CCDC73: variants seen among roughly 807,000 people sequenced by gnomAD.
The protein encoded by CCDC73 is coiled-coil domain containing 73.
A neutral mutation model predicts 116.5 loss-of-function variants in CCDC73; 95 were observed. The observed-to-expected ratio is 0.82, with a 90% CI of 0.69 to 0.97. The LOEUF is 0.97. Among genes scored for constraint, CCDC73 ranks in the 50% least tolerant of loss-of-function variants. The pLI, the probability that CCDC73 is intolerant of heterozygous loss-of-function variation, is 0.00. For synonymous variants in CCDC73, 398 were observed against 401.3 expected (o/e 0.99, Z 0.10); for missense variants, 1,066 against 1,206.8 (o/e 0.88, Z 1.73).
intron 16 of CCDC73, among the ~76,000 whole-genome samples, chr11:32,613,136 A>G (rs1855437407): frequency 6.6e-6 from 1 of 152,242 alleles, no homozygotes; most frequent in Non-Finnish European, 1.5e-5. Flanking sequence ...AATTGGGCAA[A>G]GAAAGACAAC....
chr11:32,614,256 C>T lies in CCDC73; in HGVS notation c.2062G>A (p.Val688Ile). ...GATTTCTCTAAAGTATCATTACAGA[C>T]TTGCAGAAAATCTGAAGTTTGTTTA... ...LSKQTSDFLQ[V>I]CNDTLEKSEL... is the part of the protein sequence containing the mutation. The change falls in exon 16 of 18, where the codon GTC becomes ATC. Residue 688 changes from valine (V) to isoleucine (I), a missense_variant. Physicochemically the swap from Val to Ile is conservative, Grantham distance 29. Coordinates refer to ENST00000335185, the MANE Select transcript of CCDC73 (RefSeq NM_001008391.4). 6.2e-7 allele frequency: 1 copy of T among 1,613,750 alleles called. No individual in the cohort carries two copies. The highest frequency in any genetic ancestry group is 8.5e-7 in the Non-Finnish European group (1 of 1,179,772).
At chr11:32,800,540 T>A in the CCDC73 span, among the ~76,000 whole-genome samples, 1 of 152,216 alleles carries the variant, frequency 6.6e-6, no homozygotes, top group African/African-American at 2.4e-5. Context: ...CAAAATTTAA[T>A]GAAAAGCAAT....
chr11:32,639,162 C>CG (rs1030679265), intron 13 of CCDC73, among the ~76,000 whole-genome samples: 3 of 151,500 alleles, frequency 2.0e-5, no homozygotes, highest in African/African-American at 4.9e-5. Context: ...GACACCCCCC[C>CG]CAAAAAATCC....
chr11:32,715,520 A>ACACC (rs1554966475), intron 3 of CCDC73, among the ~76,000 whole-genome samples: 3 of 149,844 alleles, frequency 2.0e-5, no homozygotes, highest in East Asian at 4.0e-4. Context: ...ACACACACAC[A>ACACC]CCACCAGAAA....
intron 1 of CCDC73, among the ~76,000 whole-genome samples, chr11:32,767,327 G>T (rs1850451820): frequency 6.6e-6 from 1 of 152,066 alleles, no homozygotes; most frequent in Admixed American, 6.6e-5. Context: ...AATTCAAGAT[G>T]GATTAAAGAC....
chr11:32,737,919 TC>T (rs35039986), intron 2 of CCDC73, among the ~76,000 whole-genome samples: 1 of 152,070 alleles, frequency 6.6e-6, no homozygotes, highest in Non-Finnish European at 1.5e-5. Context: ...AATTTTTACC[TC>T]CCACGAATAA....
At chr11:32,641,020 C>CA (rs1015386523) in intron 13 of CCDC73, among the ~76,000 whole-genome samples, 15 of 65,396 alleles carry the variant, frequency 2.3e-4, no homozygotes, top group Non-Finnish European at 3.0e-4. Context: ...TGTCCCCCAC[C>CA]AAAAAAAAAG....
chr11:32,670,308 G>A (rs1590582986), intron 9 of CCDC73, among the ~76,000 whole-genome samples: 1 of 152,130 alleles, frequency 6.6e-6, no homozygotes, highest in South Asian at 2.1e-4. Context: ...GGATTACAAG[G>A]TCAGGAGATC....
chr11:32,755,805 A>G lies in CCDC73; in HGVS notation c.135+4304T>C, dbSNP rs182784258. ...TATATATATCTCCATATATGTGTAT[A>G]TATATATCTCCATATATATGTGTGT... On this transcript the variant is annotated intron_variant, in intron 2 of 17. Transcript: ENST00000335185. 1.1e-3 allele frequency among the ~76,000 whole-genome samples: 146 copies of G among 131,510 alleles called. 3 individuals carry two copies. The highest frequency in any genetic ancestry group is 1.2e-3 in the Non-Finnish European group (74 of 64,138). 86.3% of individuals were successfully genotyped at this position (131,510 alleles called of 152,430 possible).
intron 6 of CCDC73, among the ~76,000 whole-genome samples, chr11:32,684,378 T>A (rs944425742): frequency 5.9e-5 from 9 of 152,154 alleles, no homozygotes; most frequent in Non-Finnish European, 1.0e-4. Context: ...AAACATACAT[T>A]TATACTTTAA....
At chr11:32,764,681 G>A (rs971476202) in intron 1 of CCDC73, among the ~76,000 whole-genome samples, 36 of 152,128 alleles carry the variant, frequency 2.4e-4, no homozygotes, top group African/African-American at 7.0e-4. Context: ...AAAGACCATC[G>A]ATGCTAGGAA....
chr11:32,616,652 T>C (rs960048483), intron 14 of CCDC73, among the ~76,000 whole-genome samples: 3 of 152,194 alleles, frequency 2.0e-5, no homozygotes, highest in African/African-American at 7.2e-5. Context: ...GGTGAAGCAG[T>C]ATTTTTATGT....
intron 2 of CCDC73, among the ~76,000 whole-genome samples, chr11:32,756,646 T>G (rs1264901880): frequency 6.6e-6 from 1 of 151,716 alleles, no homozygotes; most frequent in Non-Finnish European, 1.5e-5. Flanking sequence ...GAAGAATATC[T>G]GTAGTTGGTC....
the CCDC73 span, among the ~76,000 whole-genome samples, chr11:32,816,355 T>A: frequency 6.6e-6 from 1 of 152,212 alleles, no homozygotes; most frequent in African/African-American, 2.4e-5. Context: ...TAACAAGTTG[T>A]ACCAAAATGT....
At chr11:32,758,017 C>A (rs148957069) in intron 2 of CCDC73, among the ~76,000 whole-genome samples, 4 of 152,118 alleles carry the variant, frequency 2.6e-5, no homozygotes, top group African/African-American at 7.2e-5. Context: ...TCAAGTATTA[C>A]GTATGTTTGA....
chr11:32,789,414 G>A (rs1156261759), intron 1 of CCDC73, among the ~76,000 whole-genome samples: 1 of 152,078 alleles, frequency 6.6e-6, no homozygotes, highest in Admixed American at 6.6e-5. Flanking sequence ...AAATGTATTC[G>A]TTCATTTAAC....
intron 2 of CCDC73, among the ~76,000 whole-genome samples, chr11:32,752,962 A>T (rs1221861003): frequency 3.3e-5 from 5 of 151,976 alleles, no homozygotes; most frequent in Non-Finnish European, 5.9e-5. Context: ...ACATGCCATC[A>T]TGTCCAACTA....
the CCDC73 span, among the ~76,000 whole-genome samples, chr11:32,805,071 A>G: frequency 6.6e-6 from 1 of 152,214 alleles, no homozygotes; most frequent in Non-Finnish European, 1.5e-5. Flanking sequence ...AATCATTGAT[A>G]CACTAATTCG....
intron 9 of CCDC73, among the ~76,000 whole-genome samples, chr11:32,670,981 A>C (rs567401981): frequency 6.6e-6 from 1 of 152,330 alleles, no homozygotes; most frequent in African/African-American, 2.4e-5. Flanking sequence ...CAGAGACCTC[A>C]GGAAAAGATC....
Sources: allele counts gnomAD v4.1 joint callset (sites outside exome capture counted in the v4.1 genomes callset), GRCh38; gene constraint gnomAD v4.1.1; transcripts MANE v1.5; gene names NCBI Gene and HGNC (gene_info 2026-07-23, HGNC 2026-07-21).